Variants in MSANTD5 observed in about 807,000 individuals in gnomAD.
MSANTD5 encodes uncharacterized protein MSANTD5.
At chr5:178,706,776 C>T in the MSANTD5 span, among the ~76,000 whole-genome samples, 2 of 152,024 alleles carry the variant, frequency 1.3e-5, no homozygotes, top group Non-Finnish European at 2.9e-5. Context: ...TCTTCTGCCA[C>T]AGCCCTCAGG....
chr5:178,697,835 T>C (rs1765436106), upstream of MSANTD5: 1 of 152,218 alleles, frequency 6.6e-6, no homozygotes, highest in African/African-American at 2.4e-5. Flanking sequence ...CTGGAGACTT[T>C]GGATTAACTA....
the MSANTD5 span, among the ~76,000 whole-genome samples, chr5:178,706,502 G>A: frequency 0.23 from 34,824 of 151,592 alleles, 4,388 homozygotes; most frequent in South Asian, 0.36. Context: ...TCCAAGGGCT[G>A]GGACCTACTC....
downstream of MSANTD5, among the ~76,000 whole-genome samples, chr5:178,692,694 C>T (rs1042455152): frequency 2.6e-5 from 4 of 151,952 alleles, no homozygotes; most frequent in Non-Finnish European, 2.9e-5. Flanking sequence ...GGCTACATAC[C>T]GTACAATTCC....
upstream of MSANTD5, among the ~76,000 whole-genome samples, chr5:178,700,394 A>G (rs1222400765): frequency 1.3e-5 from 2 of 152,146 alleles, no homozygotes; most frequent in Admixed American, 1.3e-4. Flanking sequence ...AATCATTCAA[A>G]TTTAGTTATC....
At chr5:178,697,281 C>CT (rs1273179496) in intron 1 of MSANTD5, among the ~76,000 whole-genome samples, 1 of 145,246 alleles carries the variant, frequency 6.9e-6, no homozygotes, top group Non-Finnish European at 1.5e-5. Context: ...GGTGAAACCC[C>CT]GTCTCTACTA....
At chr5:178,701,096 C>A (rs1765477421), upstream of MSANTD5, among the ~76,000 whole-genome samples, 1 of 152,178 alleles carries the variant, frequency 6.6e-6, no homozygotes, top group Non-Finnish European at 1.5e-5. Flanking sequence ...GCCTCAGCCT[C>A]CCAAGTAGCT....
At chr5:178,699,989 C>A, upstream of MSANTD5, among the ~76,000 whole-genome samples, 1 of 152,184 alleles carries the variant, frequency 6.6e-6, no homozygotes, top group Non-Finnish European at 1.5e-5. Context: ...TCAGATCAAG[C>A]TGATTTTCTC....
the MSANTD5 span, among the ~76,000 whole-genome samples, chr5:178,705,579 G>T: frequency 2.0e-5 from 3 of 152,192 alleles, no homozygotes; most frequent in African/African-American, 2.4e-5. Context: ...GGTTTGATTG[G>T]ATACCTGGGT....
downstream of MSANTD5, among the ~76,000 whole-genome samples, chr5:178,692,207 C>T (rs141774854): frequency 0.026 from 3,477 of 135,360 alleles, 692 homozygotes; most frequent in Middle Eastern, 0.043. Context: ...TGGTGAAACC[C>T]TCTCTCTACT....
At chr5:178,706,028 CCTCA>C in the MSANTD5 span, among the ~76,000 whole-genome samples, 6 of 152,044 alleles carry the variant, frequency 3.9e-5, no homozygotes, top group African/African-American at 1.4e-4. Flanking sequence ...TTCTTTTCGA[CCTCA>C]CTGAGTTTCC....
chr5:178,693,605 G>GAACA (rs1386377357), downstream of MSANTD5, among the ~76,000 whole-genome samples: 1 of 152,040 alleles, frequency 6.6e-6, no homozygotes, highest in Non-Finnish European at 1.5e-5. Context: ...AGCAAAGAAA[G>GAACA]AACAAACCTC....
upstream of MSANTD5, among the ~76,000 whole-genome samples, chr5:178,701,039 T>C (rs1217777569): frequency 6.6e-6 from 1 of 152,222 alleles, no homozygotes; most frequent in Non-Finnish European, 1.5e-5. Context: ...AGTGGCGCGA[T>C]CTCGGCTCAC....
At chr5:178,699,175 G>C, upstream of MSANTD5, among the ~76,000 whole-genome samples, 1 of 152,002 alleles carries the variant, frequency 6.6e-6, no homozygotes, top group South Asian at 2.1e-4. Flanking sequence ...CCCCAGGCTC[G>C]AGCCCTCTGT....
At chr5:178,701,103 A>C (rs1053427311), upstream of MSANTD5, among the ~76,000 whole-genome samples, 1 of 152,184 alleles carries the variant, frequency 6.6e-6, no homozygotes, top group South Asian at 2.1e-4. Flanking sequence ...CCTCCCAAGT[A>C]GCTGGGACTA....
chr5:178,698,912 C>T (rs1197403343), upstream of MSANTD5, among the ~76,000 whole-genome samples: 1 of 151,960 alleles, frequency 6.6e-6, no homozygotes, highest in Non-Finnish European at 1.5e-5. Flanking sequence ...TAAGTCAGAA[C>T]AAACTCCATG....
chr5:178,704,708 A>G, the MSANTD5 span, among the ~76,000 whole-genome samples: 1 of 152,244 alleles, frequency 6.6e-6, no homozygotes, highest in Admixed American at 6.5e-5. Context: ...GTGTCCCCTG[A>G]GCTACGGATG....
At chr5:178,701,179 G>A (rs149050009), upstream of MSANTD5, among the ~76,000 whole-genome samples, 48 of 152,182 alleles carry the variant, frequency 3.2e-4, 1 homozygote, top group African/African-American at 9.4e-4. Flanking sequence ...GGGTTTCACT[G>A]TGTTAGCCAG....
the MSANTD5 span, among the ~76,000 whole-genome samples, chr5:178,705,529 T>C: frequency 6.6e-6 from 1 of 152,200 alleles, no homozygotes; most frequent in Non-Finnish European, 1.5e-5. Flanking sequence ...GGGACTTTGA[T>C]GGCATCAGCC....
chr5:178,695,856 GGT>G (rs1765407400), intron 2 of MSANTD5, among the ~76,000 whole-genome samples: 1 of 152,132 alleles, frequency 6.6e-6, no homozygotes, highest in Non-Finnish European at 1.5e-5. Context: ...CTACTGACAG[GGT>G]GTGATGGCAT....
Sources: gnomAD v4.1 joint callset for allele counts (sites outside exome capture counted in the v4.1 genomes callset) on GRCh38, gnomAD v4.1.1 for gene constraint, MANE v1.5 for transcripts, NCBI Gene and HGNC (gene_info 2026-07-23, HGNC 2026-07-21) for gene names.